SCAF8: variants seen among roughly 807,000 people sequenced by gnomAD.
SCAF8 encodes the protein SR-related and CTD-associated factor 8.
In SCAF8, 23 loss-of-function variants were observed where a neutral mutation model predicts 140.5. The observed-to-expected ratio is 0.16, with a 90% CI of 0.12 to 0.23. The LOEUF (loss-of-function observed/expected upper bound fraction) is 0.23, where lower values mean the gene tolerates loss of function less well. SCAF8 is among the 10% of genes least tolerant of loss of function. SCAF8 has a pLI of 1.00. For synonymous variants in SCAF8, 575 were observed against 528.9 expected (o/e 1.09, Z -1.20); for missense variants, 1,397 against 1,555.7 (o/e 0.90, Z 1.72).
chr6:154,767,437 C>T (rs1776609773), intron 1 of SCAF8, among the ~76,000 whole-genome samples: 1 of 150,620 alleles, frequency 6.6e-6, no homozygotes, highest in Non-Finnish European at 1.5e-5. Context: ...CAGGGAGATA[C>T]TCATTCTCCT....
chr6:154,795,321 AT>A (rs1777569646), intron 6 of SCAF8, among the ~76,000 whole-genome samples, 182 bp downstream of exon 6: 1 of 152,186 alleles, frequency 6.6e-6, no homozygotes, highest in African/African-American at 2.4e-5. Flanking sequence ...CTTTCATGTC[AT>A]TAAAAATTAC....
intron 18 of SCAF8, 21 bp from the exon 19 acceptor site, chr6:154,830,901 A>G (rs1481372938): frequency 1.3e-6 from 2 of 1,586,536 alleles, no homozygotes; most frequent in Non-Finnish European, 1.7e-6. Flanking sequence ...TCTGAAATAT[A>G]TTTTTCTCCT....
Position 154,833,289 on chromosome 6 carries a change from A to T in SCAF8, c.3710A>T (p.Tyr1237Phe), listed in dbSNP as rs754341922. The change falls in exon 20 of 20, where the codon TAT becomes TTT. Residue 1237 changes from tyrosine to phenylalanine, a missense_variant. Around this residue, in one of 5 missense-constraint regions of SCAF8, gnomAD observed 930 missense variants for 874.6 expected, o/e 1.06. Coordinates refer to ENST00000367178, the MANE Select transcript of SCAF8 (RefSeq NM_014892.5). ...PIPVQNDPEL[Y>F]EKLTSSNEIN... ...CCAGTACAGAATGATCCTGAACTTTATGAAAAACTGACATCTTCAAATGAA... is the reference window on the plus strand; with the variant it reads ...CCAGTACAGAATGATCCTGAACTTTTTGAAAAACTGACATCTTCAAATGAA... The T allele has an allele frequency of 5.6e-6, 9 of 1,613,930 alleles. No homozygotes were observed. Among genetic ancestry groups the T allele is most frequent in the Non-Finnish European group, 7.6e-6 (9 of 1,179,994 alleles).
In SCAF8 at chr6:154,832,232, G is replaced by A. The variant is rs1160505708; in HGVS notation, c.2653G>A (p.Val885Ile). 6.2e-7 allele frequency: 1 copy of A among 1,614,100 alleles called. No individual in the cohort carries two copies. The highest frequency in any genetic ancestry group is 1.6e-4 in the Middle Eastern group (1 of 6,062). ...ACCTAACAATTCTGGACTTGTAGGAGTACAGCCACCAAATGTTCCAAATAC... is the reference window on the plus strand; with the variant it reads ...ACCTAACAATTCTGGACTTGTAGGAATACAGCCACCAAATGTTCCAAATAC... ...NIPNNSGLVG[V>I]QPPNVPNTPG... Residue 885 changes from valine (V) to isoleucine (I), a missense_variant, in exon 20 of 20, where the codon GTA (valine) becomes ATA (isoleucine). Physicochemically the swap from Val to Ile is conservative, Grantham distance 29. This residue lies in a region of SCAF8 where 930 missense variants were observed against 874.6 expected (regional missense o/e 1.06). Transcript: ENST00000367178.
chr6:154,745,886 T>A (rs1778686978), intron 1 of SCAF8, among the ~76,000 whole-genome samples: 1 of 152,054 alleles, frequency 6.6e-6, no homozygotes, highest in Admixed American at 6.6e-5. Context: ...TTTTTGTTTT[T>A]TGTTTTATTT....
intron 5 of SCAF8, among the ~76,000 whole-genome samples, chr6:154,793,997 C>G (rs944309720): frequency 6.6e-6 from 1 of 151,914 alleles, no homozygotes; most frequent in Non-Finnish European, 1.5e-5. Flanking sequence ...TCATAGCTCA[C>G]TGCAGCCTCG....
chr6:154,801,040 G>A (rs116429890), intron 6 of SCAF8, among the ~76,000 whole-genome samples: 1 of 151,556 alleles, frequency 6.6e-6, no homozygotes, highest in Non-Finnish European at 1.5e-5. Flanking sequence ...TTTTACCTGG[G>A]TGACCAAAAG....
chr6:154,785,692 G>A (rs1012994301), intron 3 of SCAF8, among the ~76,000 whole-genome samples: 2 of 139,196 alleles, frequency 1.4e-5, no homozygotes, highest in Non-Finnish European at 1.5e-5. Flanking sequence ...TAATTAAGGT[G>A]TATTTGTATA....
intron 1 of SCAF8, among the ~76,000 whole-genome samples, chr6:154,772,998 G>A (rs111456053): frequency 2.0e-5 from 3 of 152,132 alleles, no homozygotes; most frequent in East Asian, 1.9e-4. Context: ...GATCTCAGGT[G>A]ATCTACCTGT....
At chr6:154,772,506 A>G (rs747355754) in intron 1 of SCAF8, among the ~76,000 whole-genome samples, 4 of 152,162 alleles carry the variant, frequency 2.6e-5, no homozygotes, top group African/African-American at 7.2e-5. Flanking sequence ...CCCAGGCAAC[A>G]TGGTGAAACA....
In SCAF8 at chr6:154,794,944, G is replaced by A. The variant is rs911619189; in HGVS notation, c.476-65G>A. 2.1e-5 allele frequency: 29 copies of A among 1,409,716 alleles called. No homozygotes were observed. In the African/African-American group the frequency reaches 3.9e-4, roughly 19 times the overall value. 87.3% of individuals were successfully genotyped at this position (1,409,716 alleles called of 1,614,324 possible). ...TAAAAGTAATAAAACAAGTTATTCT[G>A]CTTTTTCTAGTCTTAGTTACTTACT... On this transcript the variant is annotated intron_variant, in intron 5 of 19. Coordinates refer to ENST00000367178, the MANE Select transcript of SCAF8 (RefSeq NM_014892.5).
chr6:154,753,012 GT>G (rs558280693), intron 1 of SCAF8, among the ~76,000 whole-genome samples: 38 of 145,754 alleles, frequency 2.6e-4, no homozygotes, highest in South Asian at 4.4e-4. Flanking sequence ...TTTTTGTTTT[GT>G]TTTTTTTTTT....
At chr6:154,758,300 A>G (rs1005710598) in intron 1 of SCAF8, among the ~76,000 whole-genome samples, 13 of 152,214 alleles carry the variant, frequency 8.5e-5, no homozygotes, top group African/African-American at 3.1e-4. Flanking sequence ...TTTGTTTATC[A>G]GGCAGTCAGT....
chr6:154,780,409 G>C (rs900809024), intron 3 of SCAF8, among the ~76,000 whole-genome samples: 1 of 143,984 alleles, frequency 6.9e-6, no homozygotes, highest in African/African-American at 2.6e-5. Context: ...AAAACACATA[G>C]GTTTGTTACA....
chr6:154,756,503 G>T (rs1193778525), intron 1 of SCAF8, among the ~76,000 whole-genome samples: 4 of 152,184 alleles, frequency 2.6e-5, no homozygotes, highest in African/African-American at 7.2e-5. Flanking sequence ...ACGAATGTTG[G>T]CTTGGCCTGT....
At chr6:154,821,121 CTG>C (rs1233146038) in intron 15 of SCAF8, among the ~76,000 whole-genome samples, 1 of 152,094 alleles carries the variant, frequency 6.6e-6, no homozygotes, top group Non-Finnish European at 1.5e-5. Context: ...TTAGTTTCTA[CTG>C]TGTGTCAGGC....
At position 154,756,920 on chromosome 6, in the gene SCAF8, C is replaced by G. The variant is rs192690364; in HGVS notation, c.31-17069C>G. ...GTGCATTCCTGTAGTCCCAGCTACT[C>G]GGGAGGCTGAGGTGGATCGCTTGAG... On this transcript the variant is annotated intron_variant, in intron 1 of 19. Transcript: ENST00000367178. 1.6e-3 allele frequency among the ~76,000 whole-genome samples: 244 copies of G among 152,124 alleles called. 2 individuals carry two copies. The highest frequency in any genetic ancestry group is 2.9e-3 in the Non-Finnish European group (195 of 67,996).
At chr6:154,773,525 GTTA>G (rs1562438646) in intron 1 of SCAF8, among the ~76,000 whole-genome samples, 3 of 152,220 alleles carry the variant, frequency 2.0e-5, no homozygotes, top group South Asian at 2.1e-4. Context: ...ACGTGTACAG[GTTA>G]TTATTATTTT....
rs1183671310 is a variant in SCAF8 at position 154,794,780 on chromosome 6, GGTGTGTGTGTGTGT to G, written c.476-192_476-179del. On this transcript the variant is annotated intron_variant, in intron 5 of 19. Coordinates refer to ENST00000367178, the MANE Select transcript of SCAF8 (RefSeq NM_014892.5). ...TTGGTGGGGGGGGGGGGGTGTGGGG[GGTGTGTGTGTGTGT>G]GTGTGTGTGTGTGTGTGTGTGTGTG... Among the ~76,000 whole-genome samples, 69 of 12,532 alleles carry G rather than the reference GGTGTGTGTGTGTGT, an allele frequency of 5.5e-3. 5 individuals are homozygous for G. The highest frequency in any genetic ancestry group is 0.025 in the African/African-American group (57 of 2,266). 8.2% of individuals were successfully genotyped at this position (12,532 alleles called of 152,430 possible). A position where few individuals can be genotyped will look rare whatever the true frequency, so the allele number is the denominator to read the frequency against.
Sources: allele counts gnomAD v4.1 joint callset (sites outside exome capture counted in the v4.1 genomes callset), GRCh38; gene constraint gnomAD v4.1.1; regional missense constraint gnomAD v4.1.1; transcripts MANE v1.5; gene names NCBI Gene and HGNC (gene_info 2026-07-23, HGNC 2026-07-21).